Variants in MTIF3 observed in about 807,000 individuals in gnomAD.
MTIF3 encodes the protein translation initiation factor IF-3, mitochondrial.
Under a neutral mutation model 20.7 loss-of-function variants are expected in MTIF3, and 13 were observed. The ratio of observed to expected loss-of-function variants is 0.63; its 90% CI spans 0.41 to 1.00. MTIF3 has a LOEUF of 1.00. Ranked by LOEUF, MTIF3 falls within the 50% of genes least tolerant of loss-of-function variation. The pLI, the probability that MTIF3 is intolerant of heterozygous loss-of-function variation, is 0.00. For synonymous variants in MTIF3, 114 were observed against 112.5 expected (o/e 1.01, Z -0.08); for missense variants, 295 against 324.5 (o/e 0.91, Z 0.70).
intron 2 of MTIF3, among the ~76,000 whole-genome samples, chr13:27,444,175 G>A (rs938960726): frequency 7.9e-5 from 12 of 152,092 alleles, no homozygotes; most frequent in Admixed American, 6.5e-4. Flanking sequence ...GCGTGGTGGC[G>A]GGCGCCTGTA....
At chr13:27,450,066 G>A (rs2138223886) in intron 1 of MTIF3, 1 of 152,420 alleles carries the variant, frequency 6.6e-6, no homozygotes, top group African/African-American at 2.4e-5. Context: ...TGCCCCACCT[G>A]TGCCAGGCAG....
In MTIF3 at chr13:27,440,095, T is replaced by C. The variant is rs1029475864; in HGVS notation, c.354A>G (p.Gln118=). ...CTGCAGGTTCTGTGCTGGTGTTCCTTTGAACCAGTCGCAGGTCTCGCTCAT... is the reference window on the plus strand; with the variant it reads ...CTGCAGGTTCTGTGCTGGTGTTCCTCTGAACCAGTCGCAGGTCTCGCTCAT... ...LMDERDLRLV[Q]RNTSTEPAEY... Residue 118 remains glutamine, a synonymous_variant, in exon 3 of 5, where the codon CAA becomes CAG. Coordinates refer to ENST00000381120, the MANE Select transcript of MTIF3 (RefSeq NM_152912.5). 3.7e-6 allele frequency: 6 copies of C among 1,614,110 alleles called. No individual in the cohort carries two copies. In the African/African-American group the frequency reaches 4.0e-5, roughly 11 times the overall value.
rs1221671664 is a variant in MTIF3, at chr13:27,435,773, C to T, written c.739G>A (p.Glu247Lys). 1.9e-6 allele frequency: 3 copies of T among 1,614,116 alleles called. No homozygotes were observed. Among genetic ancestry groups the T allele is most frequent in the Non-Finnish European group, 2.5e-6 (3 of 1,179,988 alleles). Residue 247 changes from glutamate to lysine, a missense_variant, in exon 5 of 5, where the codon GAG (glutamate) becomes AAG (lysine). Physicochemically the swap from Glu to Lys is moderately conservative, Grantham distance 56. Transcript: ENST00000381120. Reference protein sequence around the residue: ...MCVLRAFSKNEEKAYKETQET... With the variant: ...MCVLRAFSKNKEKAYKETQET... ...TGAGTTTCTTTATATGCCTTCTCCT[C>T]ATTTTTGCTGAAAGCACGAAGAACA...
chr13:27,450,112 G>T (rs550686113), intron 1 of MTIF3: 1 of 152,440 alleles, frequency 6.6e-6, no homozygotes, highest in East Asian at 1.9e-4. Flanking sequence ...CCCCCGACCC[G>T]GTTGTTGGTA....
At chr13:27,438,320 CA>C (rs36016925) in intron 3 of MTIF3, among the ~76,000 whole-genome samples, 232 of 54,820 alleles carry the variant, frequency 4.2e-3, no homozygotes, top group African/African-American at 0.016. Flanking sequence ...CCCATCTCTA[CA>C]AAAAAAAAAA....
intron 3 of MTIF3, among the ~76,000 whole-genome samples, chr13:27,438,545 T>A (rs1039422622): frequency 2.7e-5 from 4 of 145,938 alleles, no homozygotes; most frequent in African/African-American, 1.0e-4. Context: ...CAGGCTGAAG[T>A]GCAGTGGCAT....
rs771722522 is a variant in MTIF3 at position 27,435,667 on chromosome 13, TA to T, written c.*7del. ...CTTTCTCTCAGAGCATGCTTTTCTT[TA>T]TTAAAATTACTGATGCAGAACATTT... On this transcript the variant is annotated 3_prime_UTR_variant, in exon 5 of 5. Coordinates refer to ENST00000381120, the MANE Select transcript of MTIF3 (RefSeq NM_152912.5). 4.0e-5 allele frequency: 65 copies of T among 1,613,324 alleles called. No individual in the cohort carries two copies. The highest frequency in any genetic ancestry group is 3.3e-4 in the Admixed American group (20 of 59,894).
chr13:27,447,309 G>A (rs1291969339), intron 1 of MTIF3, among the ~76,000 whole-genome samples: 12 of 151,144 alleles, frequency 7.9e-5, no homozygotes, highest in Admixed American at 5.9e-4. Flanking sequence ...ACCTTTCAAA[G>A]TTGAATAAAA....
chr13:27,438,275 C>T (rs1454885582), intron 3 of MTIF3, among the ~76,000 whole-genome samples: 1 of 134,022 alleles, frequency 7.5e-6, no homozygotes, highest in African/African-American at 2.8e-5. Context: ...ATCGTTGGAG[C>T]TCAGGAGTTC....
At chr13:27,437,878 AAGAC>A (rs1397310572) in intron 3 of MTIF3, among the ~76,000 whole-genome samples, 2 of 152,198 alleles carry the variant, frequency 1.3e-5, no homozygotes, top group African/African-American at 4.8e-5. Context: ...AACAGAAGAA[AAGAC>A]AGAATGGTTT....
chr13:27,445,316 C>CA (rs1211203790), intron 1 of MTIF3, among the ~76,000 whole-genome samples, 160 bp from the exon 2 acceptor site: 1 of 151,918 alleles, frequency 6.6e-6, no homozygotes, highest in Non-Finnish European at 1.5e-5. Flanking sequence ...CCAGTCTCTA[C>CA]AAAAAATAAA....
intron 1 of MTIF3, among the ~76,000 whole-genome samples, chr13:27,446,098 C>T (rs1282055596): frequency 6.6e-6 from 1 of 151,946 alleles, no homozygotes; most frequent in Admixed American, 6.6e-5. Flanking sequence ...ACTCTGTCAC[C>T]CAGACTGGAG....
At chr13:27,437,587 A>C (rs1953831535) in intron 3 of MTIF3, among the ~76,000 whole-genome samples, 1 of 152,202 alleles carries the variant, frequency 6.6e-6, no homozygotes, top group African/African-American at 2.4e-5. Flanking sequence ...TAACATCCTT[A>C]TCTATCAGCT....
chr13:27,437,133 C>G lies in MTIF3; in HGVS notation c.601G>C (p.Val201Leu). 1 of 1,613,598 alleles carries G rather than the reference C, an allele frequency of 6.2e-7. No individual in the cohort carries two copies. Among genetic ancestry groups the G allele is most frequent in the South Asian group, 1.1e-5 (1 of 91,040 alleles). The change falls in exon 4 of 5, where the codon GTG (valine) becomes CTG (leucine). Residue 201 changes from valine to leucine, a missense_variant. Val to Leu is a conservative substitution (Grantham distance 32, BLOSUM62 1). Transcript: ENST00000381120. ...ITIKKGKNVDVSENEMEEIFH... is the reference protein window; with the variant it reads ...ITIKKGKNVDLSENEMEEIFH... ...TTACTTACCATTTCATTTTCTGACA[C>G]GTCTACATTTTTTCCTTTCTTTATG...
At chr13:27,450,279 G>A (rs1954324661) in intron 1 of MTIF3, 1 of 152,318 alleles carries the variant, frequency 6.6e-6, no homozygotes, top group Admixed American at 6.5e-5. Context: ...GCAACTCTAG[G>A]TCTAACATCC....
At chr13:27,439,844 GAC>G (rs1318425298) in intron 3 of MTIF3, 143 bp downstream of exon 3, 2 of 705,548 alleles carry the variant, frequency 2.8e-6, no homozygotes, top group Non-Finnish European at 4.7e-6. Context: ...AAGGAGGAAA[GAC>G]AGACACTGGG....
At chr13:27,450,115 T>C (rs1466987174) in intron 1 of MTIF3, 1 of 152,260 alleles carries the variant, frequency 6.6e-6, no homozygotes, top group South Asian at 2.1e-4. Context: ...CCGACCCGGT[T>C]GTTGGTAAGT....
chr13:27,442,741 C>T (rs1253577354), intron 2 of MTIF3, among the ~76,000 whole-genome samples: 1 of 152,162 alleles, frequency 6.6e-6, no homozygotes, highest in East Asian at 1.9e-4. Context: ...CAAACGCTAC[C>T]TACTCAGCGA....
At chr13:27,448,612 T>C (rs1954254501) in intron 1 of MTIF3, among the ~76,000 whole-genome samples, 1 of 152,070 alleles carries the variant, frequency 6.6e-6, no homozygotes, top group African/African-American at 2.4e-5. Context: ...AACTCCCATT[T>C]AGAACACTGG....
Sources: gnomAD v4.1 joint callset for allele counts (sites outside exome capture counted in the v4.1 genomes callset) on GRCh38, gnomAD v4.1.1 for gene constraint, MANE v1.5 for transcripts, NCBI Gene and HGNC (gene_info 2026-07-23, HGNC 2026-07-21) for gene names.